BEND4: variants seen among roughly 807,000 people sequenced by gnomAD.
BEND4 encodes BEN domain-containing protein 4.
BEND4 carries 27 observed loss-of-function variants against 54.7 expected under a neutral mutation model. The ratio of observed to expected loss-of-function variants is 0.49; its 90% CI spans 0.36 to 0.68. The LOEUF (loss-of-function observed/expected upper bound fraction) is 0.68. Among genes scored for constraint, BEND4 ranks in the 30% least tolerant of loss-of-function variants. The pLI, the probability that BEND4 is intolerant of heterozygous loss-of-function variation, is 0.00. For missense variants in BEND4, 702 were observed against 697.2 expected (o/e 1.01, Z -0.08); for synonymous variants, 327 against 299.5 (o/e 1.09, Z -0.95).
intron 3 of BEND4, among the ~76,000 whole-genome samples, chr4:42,139,360 T>C (rs1185060353): frequency 6.6e-6 from 1 of 152,110 alleles, no homozygotes; most frequent in Non-Finnish European, 1.5e-5. Flanking sequence ...ATGTAGCTGA[T>C]CATCAAAAGA....
intron 3 of BEND4, among the ~76,000 whole-genome samples, chr4:42,137,312 C>T (rs1720730518): frequency 6.6e-6 from 1 of 152,148 alleles, no homozygotes; most frequent in South Asian, 2.1e-4. Flanking sequence ...TGGATTTCTA[C>T]ATGCAAAAGA....
chr4:42,125,745 G>GT (rs370061487), intron 3 of BEND4, 71 bp from the exon 4 acceptor site: 145,690 of 771,706 alleles, frequency 0.19, 32 homozygotes, highest in South Asian at 0.25. Flanking sequence ...ATTTTTTAAA[G>GT]TTTTTTTTTT....
rs769379989 is a variant in BEND4, at chr4:42,143,480, A to C, written c.1002T>G (p.Ile334Met). ...PRCQELEQEV[I>M]SLQQENEELR... Reference sequence around the variant, plus strand: ...GCTCTTCATTTTCTTGTTGCAGTGAAATAACCTCCTGCTCCAGCTCTTGGC... The same window carrying C: ...GCTCTTCATTTTCTTGTTGCAGTGACATAACCTCCTGCTCCAGCTCTTGGC... Residue 334 changes from isoleucine (I) to methionine (M), a missense_variant, in exon 3 of 6, where the codon ATT becomes ATG. Physicochemically the swap from Ile to Met is conservative, Grantham distance 10. Transcript: ENST00000502486. 7 of 1,552,278 alleles carry C rather than the reference A, an allele frequency of 4.5e-6. No individual in the cohort carries two copies. The highest frequency in any genetic ancestry group is 3.6e-5 in the South Asian group (3 of 84,064).
intron 2 of BEND4, chr4:42,151,110 A>G (rs1325469977): frequency 6.6e-6 from 1 of 152,392 alleles, no homozygotes; most frequent in Non-Finnish European, 1.5e-5. Context: ...AAAAAGACAG[A>G]AGGAAAAACG....
intron 3 of BEND4, among the ~76,000 whole-genome samples, chr4:42,126,297 T>C (rs1720280229): frequency 6.6e-6 from 1 of 152,228 alleles, no homozygotes; most frequent in African/African-American, 2.4e-5. Context: ...TTGACTCAGG[T>C]TGCAGCAGTA....
At position 42,151,653 on chromosome 4, in the gene BEND4, G is replaced by C; in HGVS notation, c.487+4C>G. On this transcript the variant is annotated splice_donor_region_variant and intron_variant, in intron 2 of 5. Coordinates refer to ENST00000502486, the MANE Select transcript of BEND4 (RefSeq NM_207406.4). ...GGAAGGAAAGTTGTGCGGAGAGTTG[G>C]TACCTGCGCTGAGCTCCAGGCTGGC... 1 of 1,472,808 alleles carries C rather than the reference G, an allele frequency of 6.8e-7. No homozygotes were observed. The highest frequency in any genetic ancestry group is 8.9e-7 in the Non-Finnish European group (1 of 1,117,796). The allele number at this position is 1,472,808 out of a possible 1,614,324, so 91.2% of individuals were successfully genotyped here. A position where few individuals can be genotyped will look rare whatever the true frequency, so the allele number is the denominator to read the frequency against.
intron 3 of BEND4, among the ~76,000 whole-genome samples, chr4:42,126,021 G>A (rs1351517378): frequency 2.6e-5 from 4 of 151,860 alleles, no homozygotes; most frequent in Non-Finnish European, 4.4e-5. Flanking sequence ...GTTCACAGGC[G>A]CAAGCCACCG....
chr4:42,135,078 T>G (rs989549720), intron 3 of BEND4, among the ~76,000 whole-genome samples: 1 of 151,722 alleles, frequency 6.6e-6, no homozygotes, highest in African/African-American at 2.4e-5. Flanking sequence ...GAGACCAGAG[T>G]CTGGTATGGG....
intron 4 of BEND4, among the ~76,000 whole-genome samples, chr4:42,121,770 A>G (rs1425006127): frequency 6.6e-6 from 1 of 152,130 alleles, no homozygotes; most frequent in Admixed American, 6.5e-5. Flanking sequence ...GGACAGAGAG[A>G]GGTGGGAGTG....
chr4:42,140,815 C>T (rs562564229), intron 3 of BEND4, among the ~76,000 whole-genome samples: 1 of 152,294 alleles, frequency 6.6e-6, no homozygotes, highest in African/African-American at 2.4e-5. Flanking sequence ...AAGATGAGAT[C>T]AAGGAGTGCC....
Position 42,112,738 on chromosome 4 carries a change from C to T in BEND4, c.*4780G>A, listed in dbSNP as rs1719623560. On this transcript the variant is annotated 3_prime_UTR_variant, in exon 6 of 6. Transcript: ENST00000502486. ...GTGAAAGTGGTCTCTAATGTGTACACAGATCAGTTAAACTTTTACATTTTA... is the reference window on the plus strand; with the variant it reads ...GTGAAAGTGGTCTCTAATGTGTACATAGATCAGTTAAACTTTTACATTTTA... 1 of 152,080 alleles carries T rather than the reference C, an allele frequency of 6.6e-6. No individual in the cohort carries two copies. The highest frequency in any genetic ancestry group is 2.1e-4 in the South Asian group (1 of 4,824). 9.4% of individuals were successfully genotyped at this position (152,080 alleles called of 1,614,324 possible).
intron 3 of BEND4, among the ~76,000 whole-genome samples, chr4:42,133,617 T>G (rs1000987756): frequency 1.3e-5 from 2 of 152,126 alleles, no homozygotes; most frequent in Non-Finnish European, 2.9e-5. Context: ...CACTTTGGGA[T>G]GCTGAGGCGG....
At chr4:42,136,726 G>A (rs1260606360) in intron 3 of BEND4, among the ~76,000 whole-genome samples, 1 of 152,174 alleles carries the variant, frequency 6.6e-6, no homozygotes, top group Non-Finnish European at 1.5e-5. Context: ...GGCCCCAGTT[G>A]TAGCACTGAA....
intron 3 of BEND4, among the ~76,000 whole-genome samples, chr4:42,142,155 C>T (rs928718342): frequency 2.0e-5 from 3 of 151,728 alleles, no homozygotes; most frequent in Non-Finnish European, 4.4e-5. Context: ...TCCGCCCCCC[C>T]TCGGCCTCCC....
chr4:42,151,584 G>A (rs2153148387), intron 2 of BEND4, 73 bp downstream of exon 2: 8 of 1,382,598 alleles, frequency 5.8e-6, no homozygotes, highest in South Asian at 1.6e-5. Context: ...GCGGCCCCCC[G>A]CTTCTCCTTC....
chr4:42,142,870 T>C (rs1720938168), intron 3 of BEND4, among the ~76,000 whole-genome samples: 1 of 152,172 alleles, frequency 6.6e-6, no homozygotes, highest in African/African-American at 2.4e-5. Context: ...AAAGACGTTA[T>C]GCTTGTTGAA....
Position 42,143,508 on chromosome 4 carries a change from C to T in BEND4, c.974G>A (p.Arg325Gln), listed in dbSNP as rs775010245. 3 of 1,552,570 alleles carry T rather than the reference C, an allele frequency of 1.9e-6. No homozygotes were observed. Among genetic ancestry groups the T allele is most frequent in the Non-Finnish European group, 8.7e-7 (1 of 1,147,384 alleles). Reference protein sequence around the residue: ...EEEDEEGYCPRCQELEQEVIS... With the variant: ...EEEDEEGYCPQCQELEQEVIS... ...AACCTCCTGCTCCAGCTCTTGGCAT[C>T]GAGGACAATAGCCTTCCTCGTCCTC... Residue 325 changes from arginine (R) to glutamine (Q), a missense_variant, in exon 3 of 6, where the codon CGA (arginine) becomes CAA (glutamine). By Grantham distance (43) the Arg-to-Gln change is conservative. Coordinates refer to ENST00000502486, the MANE Select transcript of BEND4 (RefSeq NM_207406.4).
intron 3 of BEND4, among the ~76,000 whole-genome samples, chr4:42,129,684 C>T (rs13142175): frequency 0.4 from 60,284 of 152,066 alleles, 16,927 homozygotes; most frequent in African/African-American, 0.8. Context: ...ATGCAGAAAA[C>T]TGAAACTATA....
intron 4 of BEND4, among the ~76,000 whole-genome samples, chr4:42,123,356 A>T (rs1450695445): frequency 2.6e-5 from 4 of 152,136 alleles, no homozygotes; most frequent in Non-Finnish European, 5.9e-5. Flanking sequence ...TATATTTTCA[A>T]TTAGCCACCC....
Sources: allele counts gnomAD v4.1 joint callset (sites outside exome capture counted in the v4.1 genomes callset), GRCh38; gene constraint gnomAD v4.1.1; transcripts MANE v1.5; gene names NCBI Gene and HGNC (gene_info 2026-07-23, HGNC 2026-07-21).